The following KCNIP4 variants were observed in gnomAD, a reference collection of about 807,000 sequenced individuals.
KCNIP4 encodes the protein potassium voltage-gated channel interacting protein 4.
A neutral mutation model predicts 34.0 loss-of-function variants in KCNIP4; 12 were observed. The ratio of observed to expected loss-of-function variants is 0.35; its 90% confidence interval spans 0.23 to 0.57. The LOEUF (loss-of-function observed/expected upper bound fraction) is 0.57, where lower values mean the gene tolerates loss of function less well. KCNIP4 is among the 20% of genes least tolerant of loss of function. KCNIP4 has a pLI of 0.83. For missense variants in KCNIP4, 238 were observed against 311.7 expected, an observed-to-expected ratio of 0.76 and a Z score of 1.78; for synonymous variants, 124 against 102.2, an observed-to-expected ratio of 1.21 and a Z score of -1.29.
chr4:21,158,688 TTA>T (rs1181456924), intron 1 of KCNIP4, among the ~76,000 whole-genome samples: 1 of 152,164 alleles, frequency 6.6e-6, no homozygotes, highest in Non-Finnish European at 1.5e-5. Flanking sequence ...AATTTAATGG[TTA>T]TATTTAAAAA....
chr4:21,013,171 A>G (rs1739213734), intron 1 of KCNIP4, among the ~76,000 whole-genome samples: 1 of 152,180 alleles, frequency 6.6e-6, no homozygotes, highest in Non-Finnish European at 1.5e-5. Context: ...GCAGCAATGG[A>G]ATGTGAATGA....
At chr4:21,556,027 T>G (rs1265258228) in intron 1 of KCNIP4, among the ~76,000 whole-genome samples, 1 of 152,146 alleles carries the variant, frequency 6.6e-6, no homozygotes, top group Non-Finnish European at 1.5e-5. Flanking sequence ...TATCTTTTGG[T>G]TTTTTGTGCC....
At chr4:21,738,657 T>C (rs906694002) in intron 1 of KCNIP4, among the ~76,000 whole-genome samples, 3 of 152,310 alleles carry the variant, frequency 2.0e-5, no homozygotes, top group African/African-American at 7.2e-5. Context: ...CCTTTAATTC[T>C]CATGTATCTA....
At chr4:21,465,927 C>T (rs1185381084) in intron 1 of KCNIP4, among the ~76,000 whole-genome samples, 3 of 152,188 alleles carry the variant, frequency 2.0e-5, no homozygotes, top group Non-Finnish European at 4.4e-5. Context: ...AACGTGTATA[C>T]TCTTCCCTGG....
In KCNIP4 at chr4:20,988,938, T is replaced by G. The variant is rs562263453; in HGVS notation, c.62-106229A>C. Among the ~76,000 whole-genome samples, 15 of 152,360 alleles carry G rather than the reference T, an allele frequency of 9.8e-5. No individual in the cohort carries two copies. In the South Asian group the frequency reaches 2.9e-3, roughly 29 times the overall value. On this transcript the variant is annotated intron_variant, in intron 1 of 8. Transcript: ENST00000382152. ...GGCAGAAAGTCGGCACCAGTGGGAT[T>G]TGTGTAAGAAACCTTACAAATAAGC...
chr4:21,086,959 C>T (rs538193603), intron 1 of KCNIP4, among the ~76,000 whole-genome samples: 2 of 144,644 alleles, frequency 1.4e-5, no homozygotes, highest in Non-Finnish European at 3.0e-5. Flanking sequence ...CCCTCCCTTC[C>T]TTTTCCTTCC....
chr4:21,379,800 G>A (rs1346620583), intron 1 of KCNIP4, among the ~76,000 whole-genome samples: 1 of 152,072 alleles, frequency 6.6e-6, no homozygotes, highest in African/African-American at 2.4e-5. Context: ...TTCCTGTATA[G>A]AAATTTTGTA....
At chr4:21,779,397 A>G (rs1719427870) in intron 1 of KCNIP4, among the ~76,000 whole-genome samples, 1 of 152,162 alleles carries the variant, frequency 6.6e-6, no homozygotes, top group South Asian at 2.1e-4. Flanking sequence ...ATTAATAATA[A>G]TATATATTTG....
intron 1 of KCNIP4, among the ~76,000 whole-genome samples, chr4:21,228,111 C>G (rs899187739): frequency 6.6e-6 from 1 of 152,110 alleles, no homozygotes; most frequent in Admixed American, 6.6e-5. Context: ...TGCAAAACAG[C>G]CTGATGTGAT....
intron 1 of KCNIP4, among the ~76,000 whole-genome samples, chr4:20,987,132 A>G (rs1736649515): frequency 6.6e-6 from 1 of 152,202 alleles, no homozygotes; most frequent in Non-Finnish European, 1.5e-5. Flanking sequence ...CTTGGAAAGA[A>G]GAGTTGCCTG....
chr4:21,642,319 T>C (rs762090978), intron 1 of KCNIP4, among the ~76,000 whole-genome samples: 1 of 151,982 alleles, frequency 6.6e-6, no homozygotes, highest in African/African-American at 2.4e-5. Flanking sequence ...TATAGCATGA[T>C]CATGGAATTC....
Position 21,822,675 on chromosome 4 carries a change from A to G in KCNIP4, c.61+125896T>C, listed in dbSNP as rs371716226. ...AGATATGAATAAGATTTTACAAAAG[A>G]AAATACAAGCTTATTACCAGTACAA... On this transcript the variant is annotated intron_variant, in intron 1 of 8. Transcript: ENST00000382152. 5.9e-5 allele frequency among the ~76,000 whole-genome samples: 9 copies of G among 152,100 alleles called. No individual in the cohort carries two copies. In the East Asian group the frequency reaches 1.3e-3, roughly 23 times the overall value.
At chr4:20,851,511 T>A (rs1199863950) in intron 2 of KCNIP4, among the ~76,000 whole-genome samples, 1 of 152,194 alleles carries the variant, frequency 6.6e-6, no homozygotes, top group Non-Finnish European at 1.5e-5. Flanking sequence ...CATGTATCTT[T>A]ATAATAGAAT....
chr4:21,124,450 T>C (rs1244089443), intron 1 of KCNIP4, among the ~76,000 whole-genome samples: 2 of 152,210 alleles, frequency 1.3e-5, no homozygotes, highest in Non-Finnish European at 2.9e-5. Context: ...CTCTGCTTCT[T>C]CCATCTGAAA....
At chr4:21,119,477 A>G (rs1749962352) in intron 1 of KCNIP4, among the ~76,000 whole-genome samples, 1 of 147,358 alleles carries the variant, frequency 6.8e-6, no homozygotes, top group Non-Finnish European at 1.5e-5. Flanking sequence ...GTGTACTCAC[A>G]ACTTTCTACA....
At chr4:20,819,153 C>T (rs1031322412) in intron 3 of KCNIP4, among the ~76,000 whole-genome samples, 1 of 151,982 alleles carries the variant, frequency 6.6e-6, no homozygotes, top group African/African-American at 2.4e-5. Context: ...AGCCACAGCG[C>T]CTGGCCTTAT....
intron 1 of KCNIP4, among the ~76,000 whole-genome samples, chr4:20,995,664 G>C (rs1282394373): frequency 6.6e-6 from 1 of 152,188 alleles, no homozygotes; most frequent in East Asian, 1.9e-4. Context: ...TAACTGAGCT[G>C]TATTATTATA....
chr4:21,395,983 C>T (rs1321586851), intron 1 of KCNIP4, among the ~76,000 whole-genome samples: 2 of 151,970 alleles, frequency 1.3e-5, no homozygotes, highest in African/African-American at 4.8e-5. Flanking sequence ...AGGGCTAACA[C>T]ATGTATACTT....
At position 21,274,383 on chromosome 4, in the gene KCNIP4, C is replaced by A. The variant is rs561874337; in HGVS notation, c.62-391674G>T. Among the ~76,000 whole-genome samples, 48 of 152,258 alleles carry A rather than the reference C, an allele frequency of 3.2e-4. 1 individual carries two copies. Among genetic ancestry groups the A allele is most frequent in the African/African-American group, 9.9e-4 (41 of 41,550 alleles). ...AGAAAGAGCTTTAGAAATCCAATCACAAAGAAAAGAATCTTTATTTCTCCC... is the reference window on the plus strand; with the variant it reads ...AGAAAGAGCTTTAGAAATCCAATCAAAAAGAAAAGAATCTTTATTTCTCCC... On this transcript the variant is annotated intron_variant, in intron 1 of 8. Transcript: ENST00000382152.
Sources: allele counts gnomAD v4.1 joint callset (sites outside exome capture counted in the v4.1 genomes callset), GRCh38; gene constraint gnomAD v4.1.1; transcripts MANE v1.5; gene names NCBI Gene and HGNC (gene_info 2026-07-23, HGNC 2026-07-21).